The following TRPS1 variants were observed in gnomAD, a reference collection of about 807,000 sequenced individuals.
The protein encoded by TRPS1 is zinc finger transcription factor Trps1.
A neutral mutation model predicts 101.2 loss-of-function variants in TRPS1; 6 were observed. That is an observed-to-expected ratio of 0.06 (90% confidence interval 0.03 to 0.12). TRPS1 has a LOEUF of 0.12. TRPS1 is among the 10% of genes least tolerant of loss of function. The pLI is 1.00. For missense variants in TRPS1, 1,363 were observed against 1,567.0 expected (o/e 0.87, Z 2.20); for synonymous variants, 578 against 589.8 (o/e 0.98, Z 0.29).
At chr8:115,486,534 T>C (rs1464824349) in intron 5 of TRPS1, among the ~76,000 whole-genome samples, 1 of 152,198 alleles carries the variant, frequency 6.6e-6, no homozygotes, top group Non-Finnish European at 1.5e-5. Context: ...CCTCTTGAGC[T>C]CAACAGTGAA....
At chr8:115,426,293 G>A (rs1813184959) in intron 5 of TRPS1, among the ~76,000 whole-genome samples, 1 of 151,926 alleles carries the variant, frequency 6.6e-6, no homozygotes, top group Non-Finnish European at 1.5e-5. Context: ...TAAATTTGTT[G>A]CATATTTTAT....
intron 5 of TRPS1, among the ~76,000 whole-genome samples, chr8:115,537,300 A>C (rs895134117): frequency 2.6e-5 from 4 of 152,188 alleles, no homozygotes; most frequent in Non-Finnish European, 5.9e-5. Context: ...TCTGTTTACT[A>C]TATTGTGTTA....
intron 5 of TRPS1, among the ~76,000 whole-genome samples, chr8:115,481,653 A>G (rs1814755061): frequency 6.6e-6 from 1 of 152,198 alleles, no homozygotes; most frequent in East Asian, 1.9e-4. Flanking sequence ...CTCATCTCAA[A>G]TAAAGAGGAT....
At chr8:115,661,081 T>A (rs1422529516) in intron 1 of TRPS1, among the ~76,000 whole-genome samples, 1 of 152,054 alleles carries the variant, frequency 6.6e-6, no homozygotes, top group Non-Finnish European at 1.5e-5. Flanking sequence ...GTCCCTTAAC[T>A]GCTCCTCTTA....
At chr8:115,626,458 A>G (rs1818511663) in intron 1 of TRPS1, among the ~76,000 whole-genome samples, 1 of 151,790 alleles carries the variant, frequency 6.6e-6, no homozygotes, top group African/African-American at 2.4e-5. Flanking sequence ...GCAATACTTC[A>G]ATGGTAGATC....
At chr8:115,417,799 T>C (rs1339701799) in intron 6 of TRPS1, among the ~76,000 whole-genome samples, 1 of 152,088 alleles carries the variant, frequency 6.6e-6, no homozygotes, top group Non-Finnish European at 1.5e-5. Context: ...CCTGGGGAGA[T>C]TCATGTGATA....
At chr8:115,457,923 A>G (rs1814068467) in intron 5 of TRPS1, among the ~76,000 whole-genome samples, 1 of 152,202 alleles carries the variant, frequency 6.6e-6, no homozygotes, top group Non-Finnish European at 1.5e-5. Context: ...TCTGTGTGTT[A>G]GGTGTAGACA....
chr8:115,563,040 C>T (rs965904891), intron 5 of TRPS1, among the ~76,000 whole-genome samples: 1 of 151,858 alleles, frequency 6.6e-6, no homozygotes, highest in African/African-American at 2.4e-5. Flanking sequence ...CAACCAGCCT[C>T]AACAAGCACC....
chr8:115,516,429 C>T (rs1815713618), intron 5 of TRPS1, among the ~76,000 whole-genome samples: 1 of 151,346 alleles, frequency 6.6e-6, no homozygotes, highest in Admixed American at 6.6e-5. Context: ...AATTGATATG[C>T]TTTATGAAAA....
chr8:115,553,760 C>G (rs1816754695), intron 5 of TRPS1, among the ~76,000 whole-genome samples: 1 of 152,052 alleles, frequency 6.6e-6, no homozygotes, highest in African/African-American at 2.4e-5. Flanking sequence ...TCTTCTTTTT[C>G]ACAGTAGCAT....
chr8:115,533,434 C>CTTTTTTTTTT (rs1427634638), intron 5 of TRPS1, among the ~76,000 whole-genome samples: 8 of 32,342 alleles, frequency 2.5e-4, no homozygotes, highest in Admixed American at 4.2e-4. Flanking sequence ...CACATGTAAT[C>CTTTTTTTTTT]TGTTTTTTTT....
At position 115,572,158 on chromosome 8, in the gene TRPS1, G is replaced by A. The variant is rs969051829; in HGVS notation, c.2700+14843C>T. 5.9e-5 allele frequency among the ~76,000 whole-genome samples: 9 copies of A among 152,016 alleles called. No homozygotes were observed. The South Asian group carries it at 8.3e-4, about 14-fold the overall frequency. The stretch of plus-strand genomic sequence containing the variant: ...GGTGTTTCTGAATCCTATCAATTAC[G>A]AAAAGACTTTGACATACCCAGAGGA... On this transcript the variant is annotated intron_variant, in intron 5 of 6. Coordinates refer to ENST00000395715, the MANE Select transcript of TRPS1 (RefSeq NM_014112.5).
chr8:115,610,445 A>G (rs1029673804), intron 3 of TRPS1, among the ~76,000 whole-genome samples: 3 of 152,222 alleles, frequency 2.0e-5, no homozygotes, highest in African/African-American at 7.2e-5. Context: ...TTGATGGAGA[A>G]TAAATGTTTC....
chr8:115,575,482 T>C (rs1189642999), intron 5 of TRPS1, among the ~76,000 whole-genome samples: 1 of 152,194 alleles, frequency 6.6e-6, no homozygotes, highest in Non-Finnish European at 1.5e-5. Context: ...TGAAAACTTA[T>C]TTTCTTCTTT....
At chr8:115,564,318 T>C (rs1026478458) in intron 5 of TRPS1, among the ~76,000 whole-genome samples, 5 of 152,128 alleles carry the variant, frequency 3.3e-5, no homozygotes, top group African/African-American at 9.7e-5. Context: ...TTAAGTGCCT[T>C]TAATACTTAA....
chr8:115,555,577 T>C (rs1816799155), intron 5 of TRPS1, among the ~76,000 whole-genome samples: 1 of 151,470 alleles, frequency 6.6e-6, no homozygotes, highest in Non-Finnish European at 1.5e-5. Context: ...GCAGAGGGGG[T>C]TGATGAAGGG....
At chr8:115,647,020 T>C (rs1175556434) in intron 1 of TRPS1, among the ~76,000 whole-genome samples, 1 of 152,096 alleles carries the variant, frequency 6.6e-6, no homozygotes, top group Non-Finnish European at 1.5e-5. Context: ...TTTATTTATT[T>C]TAAAATTAAC....
chr8:115,571,116 T>G (rs564714909), intron 5 of TRPS1, among the ~76,000 whole-genome samples: 1 of 152,328 alleles, frequency 6.6e-6, no homozygotes, highest in African/African-American at 2.4e-5. Flanking sequence ...TGATTATGAT[T>G]AGAGTTCATA....
At chr8:115,479,504 G>A (rs1319104713) in intron 5 of TRPS1, among the ~76,000 whole-genome samples, 1 of 152,110 alleles carries the variant, frequency 6.6e-6, no homozygotes, top group Non-Finnish European at 1.5e-5. Context: ...GGGCTGATCA[G>A]TGGGAAAAAA....
Sources: allele counts gnomAD v4.1 joint callset (sites outside exome capture counted in the v4.1 genomes callset), GRCh38; gene constraint gnomAD v4.1.1; transcripts MANE v1.5; gene names NCBI Gene and HGNC (gene_info 2026-07-23, HGNC 2026-07-21).